The following SLC9A9 variants were observed in gnomAD, a reference collection of about 807,000 sequenced individuals.
SLC9A9 encodes the protein solute carrier family 9 member A9.
Under a neutral mutation model 77.8 loss-of-function variants are expected in SLC9A9, and 62 were observed. That is an observed-to-expected ratio of 0.80 (90% CI 0.65 to 0.98). The LOEUF (loss-of-function observed/expected upper bound fraction) is 0.98, where lower values mean the gene tolerates loss of function less well. SLC9A9 is among the 50% of genes least tolerant of loss of function. The pLI is 0.00. For missense variants in SLC9A9, 775 were observed against 774.9 expected (o/e 1.00, Z 0.00); for synonymous variants, 320 against 283.5 (o/e 1.13, Z -1.29).
chr3:143,296,801 T>C (rs1315373816), intron 14 of SLC9A9, among the ~76,000 whole-genome samples: 3 of 152,256 alleles, frequency 2.0e-5, no homozygotes, highest in Non-Finnish European at 4.4e-5. Context: ...TGAGCATTTT[T>C]TTTATATACC....
chr3:143,562,069 C>T (rs950935669), intron 8 of SLC9A9, among the ~76,000 whole-genome samples: 2 of 152,216 alleles, frequency 1.3e-5, no homozygotes, highest in Non-Finnish European at 2.9e-5. Flanking sequence ...GGTATTTACT[C>T]ACTCAATTGC....
At chr3:143,502,988 T>A (rs182151499) in intron 9 of SLC9A9, among the ~76,000 whole-genome samples, 6 of 152,320 alleles carry the variant, frequency 3.9e-5, no homozygotes, top group Admixed American at 2.6e-4. Flanking sequence ...TATTCCTGCA[T>A]TGGGGAATTT....
At chr3:143,536,943 C>T (rs527457805) in intron 9 of SLC9A9, among the ~76,000 whole-genome samples, 2 of 152,156 alleles carry the variant, frequency 1.3e-5, no homozygotes, top group South Asian at 2.1e-4. Context: ...CTGCTGCCCA[C>T]GCTGCACCTC....
intron 4 of SLC9A9, among the ~76,000 whole-genome samples, chr3:143,716,863 C>T (rs16854187): frequency 0.026 from 3,965 of 152,244 alleles, 164 homozygotes; most frequent in African/African-American, 0.09. Context: ...GGCTCTTTTG[C>T]TGTTGGCTTG....
intron 14 of SLC9A9, among the ~76,000 whole-genome samples, chr3:143,327,860 C>T (rs1044072929): frequency 3.9e-5 from 6 of 152,192 alleles, no homozygotes; most frequent in African/African-American, 7.2e-5. Flanking sequence ...AAGAGCAGTG[C>T]AAATTCTTTC....
chr3:143,553,303 G>T lies in SLC9A9; in HGVS notation c.1001-853C>A, dbSNP rs117230039. ...TTATTCTCTGTGTTATTGTCCCTGG[G>T]CTGGAGTGGGGAAGCAGTGGGAGCT... On this transcript the variant is annotated intron_variant, in intron 8 of 15. Transcript: ENST00000316549. Among the ~76,000 whole-genome samples the T allele has an allele frequency of 1.0e-3, 155 of 152,268 alleles. 3 individuals are homozygous for T. The East Asian group carries it at 0.025, about 24-fold the overall frequency.
At chr3:143,416,288 G>A (rs964228112) in intron 12 of SLC9A9, among the ~76,000 whole-genome samples, 4 of 152,194 alleles carry the variant, frequency 2.6e-5, no homozygotes, top group Non-Finnish European at 4.4e-5. Context: ...CAGGGTTTGA[G>A]AGGGCTCCAA....
chr3:143,838,607 C>T (rs146025981), intron 1 of SLC9A9, among the ~76,000 whole-genome samples: 19 of 152,266 alleles, frequency 1.2e-4, no homozygotes, highest in Middle Eastern at 3.4e-3. Context: ...TCTATATTTA[C>T]ATAAGGGACA....
intron 6 of SLC9A9, among the ~76,000 whole-genome samples, chr3:143,606,350 G>T (rs1385054737): frequency 6.7e-6 from 1 of 149,404 alleles, no homozygotes; most frequent in Non-Finnish European, 1.5e-5. Flanking sequence ...GATGGAGGTT[G>T]CAGTGAGCTG....
intron 4 of SLC9A9, among the ~76,000 whole-genome samples, chr3:143,717,966 T>C (rs1046212227): frequency 1.3e-5 from 2 of 152,196 alleles, no homozygotes; most frequent in Admixed American, 1.3e-4. Flanking sequence ...ACAATGTGGA[T>C]GCAATATTCT....
At chr3:143,323,479 A>C (rs1192951291) in intron 14 of SLC9A9, among the ~76,000 whole-genome samples, 1 of 152,208 alleles carries the variant, frequency 6.6e-6, no homozygotes, top group Non-Finnish European at 1.5e-5. Flanking sequence ...AGAAAGACAG[A>C]TACTGCTTGT....
intron 4 of SLC9A9, among the ~76,000 whole-genome samples, chr3:143,789,579 C>T (rs1364889524): frequency 6.6e-6 from 1 of 152,130 alleles, no homozygotes; most frequent in Non-Finnish European, 1.5e-5. Flanking sequence ...GGGTTCTAGA[C>T]AAGTAAATGT....
At position 143,834,584 on chromosome 3, in the gene SLC9A9, T is replaced by TTC. The variant is rs1236504492; in HGVS notation, c.176-2364_176-2363insGA. The stretch of plus-strand genomic sequence containing the variant: ...GGGCGAGGCACTCTTTTTTTTTTTT[T>TTC]TTTTTTTTACAAAATGCTTTCAATG... On this transcript the variant is annotated intron_variant, in intron 1 of 15. Transcript: ENST00000316549. Among the ~76,000 whole-genome samples, 41 of 150,746 alleles carry TTC rather than the reference T, an allele frequency of 2.7e-4. No individual in the cohort carries two copies. In the East Asian group the frequency reaches 6.6e-3, roughly 24 times the overall value.
At chr3:143,482,286 GA>G (rs1223063711) in intron 11 of SLC9A9, among the ~76,000 whole-genome samples, 1 of 152,190 alleles carries the variant, frequency 6.6e-6, no homozygotes, top group Non-Finnish European at 1.5e-5. Context: ...ACAACAAAAT[GA>G]GTCAGGAACA....
At chr3:143,396,063 TAGAAATACCATTTGACCC>T (rs1297982801) in intron 12 of SLC9A9, among the ~76,000 whole-genome samples, 1 of 152,154 alleles carries the variant, frequency 6.6e-6, no homozygotes, top group Non-Finnish European at 1.5e-5. Flanking sequence ...GATCTAGAAC[TAGAAATACCATTTGACCC>T]AGCAATCCCA....
chr3:143,337,564 AC>A (rs753929865), intron 14 of SLC9A9, among the ~76,000 whole-genome samples: 48 of 152,148 alleles, frequency 3.2e-4, no homozygotes, highest in Non-Finnish European at 6.5e-4. Context: ...TTTCCTGATG[AC>A]CTGCTGTAGC....
At chr3:143,391,969 A>C (rs2033578669) in intron 12 of SLC9A9, among the ~76,000 whole-genome samples, 1 of 152,206 alleles carries the variant, frequency 6.6e-6, no homozygotes, top group African/African-American at 2.4e-5. Flanking sequence ...CCAAATCTAC[A>C]TCTGATTGGT....
At chr3:143,495,020 C>T (rs1347462077) in intron 10 of SLC9A9, among the ~76,000 whole-genome samples, 1 of 152,172 alleles carries the variant, frequency 6.6e-6, no homozygotes, top group East Asian at 1.9e-4. Context: ...AATACACAGA[C>T]ATAATTTTTA....
chr3:143,759,598 C>T (rs1366378256), intron 4 of SLC9A9, among the ~76,000 whole-genome samples: 1 of 151,768 alleles, frequency 6.6e-6, no homozygotes, highest in Non-Finnish European at 1.5e-5. Context: ...AGGTCCAGCT[C>T]TTTTCCTGTC....
Sources: gnomAD v4.1 joint callset for allele counts (sites outside exome capture counted in the v4.1 genomes callset) on GRCh38, gnomAD v4.1.1 for gene constraint, MANE v1.5 for transcripts, NCBI Gene and HGNC (gene_info 2026-07-23, HGNC 2026-07-21) for gene names.